SYT1: variants seen among roughly 807,000 people sequenced by gnomAD.
The protein encoded by SYT1 is synaptotagmin-1.
SYT1 carries 8 observed loss-of-function variants against 44.8 expected under a neutral mutation model. The observed-to-expected ratio is 0.18, with a 90% confidence interval of 0.10 to 0.32. The LOEUF (loss-of-function observed/expected upper bound fraction) is 0.32. Ranked by LOEUF, SYT1 falls within the 10% of genes least tolerant of loss-of-function variation. The pLI is 1.00. For missense variants in SYT1, 286 were observed against 509.3 expected, an observed-to-expected ratio of 0.56 and a Z score of 4.22; for synonymous variants, 154 against 188.8, an observed-to-expected ratio of 0.82 and a Z score of 1.51.
chr12:79,199,553 A>G (rs1873659652), intron 3 of SYT1, among the ~76,000 whole-genome samples: 1 of 152,026 alleles, frequency 6.6e-6, no homozygotes, highest in African/African-American at 2.4e-5. Flanking sequence ...CCAAACACCA[A>G]TTCTCTCTAA....
intron 9 of SYT1, among the ~76,000 whole-genome samples, chr12:79,397,815 G>T (rs115111535): frequency 6.6e-6 from 1 of 152,148 alleles, no homozygotes; most frequent in African/African-American, 2.4e-5. Context: ...AGATTTTTCC[G>T]AGTATATGTG....
intron 8 of SYT1, among the ~76,000 whole-genome samples, chr12:79,327,926 G>A (rs1478614170): frequency 1.3e-5 from 2 of 152,186 alleles, no homozygotes; most frequent in African/African-American, 4.8e-5. Flanking sequence ...CATGTGAGAG[G>A]GGAATGGCGT....
intron 3 of SYT1, among the ~76,000 whole-genome samples, chr12:79,128,048 T>A (rs1868554963): frequency 6.6e-6 from 1 of 152,042 alleles, no homozygotes; most frequent in East Asian, 1.9e-4. Context: ...GACACAGAGA[T>A]AAAAACATAT....
intron 3 of SYT1, among the ~76,000 whole-genome samples, chr12:79,102,806 A>G (rs1443803422): frequency 6.6e-6 from 1 of 152,186 alleles, no homozygotes; most frequent in East Asian, 1.9e-4. Context: ...CTGAATCAAC[A>G]AATTTTAAGT....
At chr12:79,427,580 G>T (rs1191752994) in intron 9 of SYT1, among the ~76,000 whole-genome samples, 1 of 152,210 alleles carries the variant, frequency 6.6e-6, no homozygotes, top group East Asian at 1.9e-4. Context: ...CACACAAATA[G>T]AAAGAATGAA....
At chr12:79,348,941 AAAAAGAAAGAAAAAAAG>A (rs1167008149) in intron 8 of SYT1, among the ~76,000 whole-genome samples, 1 of 144,012 alleles carries the variant, frequency 6.9e-6, no homozygotes, top group Non-Finnish European at 1.5e-5. Context: ...GAAAGGAAAG[AAAAAGAAAGAAAAAAAG>A]AAAAGAAAGA....
chr12:79,157,486 A>G (rs1188304374), intron 3 of SYT1, among the ~76,000 whole-genome samples: 1 of 152,142 alleles, frequency 6.6e-6, no homozygotes, highest in Non-Finnish European at 1.5e-5. Flanking sequence ...TGAAACCTAA[A>G]CATGTTTAAC....
At chr12:79,083,720 G>A (rs1219994526) in intron 3 of SYT1, among the ~76,000 whole-genome samples, 1 of 152,036 alleles carries the variant, frequency 6.6e-6, no homozygotes, top group African/African-American at 2.4e-5. Flanking sequence ...ATAAAATTAT[G>A]TGGAGATGTA....
At chr12:78,933,837 A>G (rs979733815) in intron 1 of SYT1, among the ~76,000 whole-genome samples, 1 of 152,130 alleles carries the variant, frequency 6.6e-6, no homozygotes, top group Non-Finnish European at 1.5e-5. Context: ...TGAAAGAGAG[A>G]TTGAGATGGG....
chr12:79,189,442 A>G (rs986149158), intron 3 of SYT1, among the ~76,000 whole-genome samples: 1 of 152,212 alleles, frequency 6.6e-6, no homozygotes, highest in Non-Finnish European at 1.5e-5. Flanking sequence ...ATGTAAAACA[A>G]TTAAAATAAC....
At chr12:79,402,348 T>C (rs1417659051) in intron 9 of SYT1, among the ~76,000 whole-genome samples, 1 of 152,158 alleles carries the variant, frequency 6.6e-6, no homozygotes. Flanking sequence ...CAATACAAAA[T>C]CAAAGCTTCA....
intron 2 of SYT1, among the ~76,000 whole-genome samples, chr12:79,018,059 G>T (rs1247949558): frequency 2.3e-5 from 3 of 129,364 alleles, no homozygotes; most frequent in Non-Finnish European, 4.9e-5. Context: ...TAAAAATTGT[G>T]CACTGTTCAC....
intron 7 of SYT1, among the ~76,000 whole-genome samples, chr12:79,298,645 A>G (rs1296538602): frequency 6.6e-6 from 1 of 152,170 alleles, no homozygotes; most frequent in Admixed American, 6.5e-5. Context: ...GTCACTAATA[A>G]ACATCCCAAC....
At chr12:79,171,335 T>G (rs1871509448) in intron 3 of SYT1, among the ~76,000 whole-genome samples, 1 of 152,124 alleles carries the variant, frequency 6.6e-6, no homozygotes, top group Non-Finnish European at 1.5e-5. Context: ...CATGGAATGT[T>G]TTTCCATTTG....
intron 1 of SYT1, among the ~76,000 whole-genome samples, chr12:78,933,475 T>A (rs1303009673): frequency 6.6e-6 from 1 of 152,178 alleles, no homozygotes; most frequent in African/African-American, 2.4e-5. Flanking sequence ...AATTTAGTAG[T>A]AAAAATAATT....
At chr12:78,865,753 G>A (rs1873509312) in intron 1 of SYT1, among the ~76,000 whole-genome samples, 1 of 151,978 alleles carries the variant, frequency 6.6e-6, no homozygotes. Context: ...CGTTCAAATG[G>A]AACAAAAATA....
intron 2 of SYT1, chr12:79,036,692 AT>A (rs1165946735): frequency 2.6e-5 from 4 of 151,850 alleles, no homozygotes; most frequent in Non-Finnish European, 5.9e-5. Context: ...TCTCCTTTAT[AT>A]TAAAGCCCCT....
intron 1 of SYT1, among the ~76,000 whole-genome samples, chr12:78,878,473 A>G (rs190946813): frequency 9.9e-5 from 15 of 151,922 alleles, no homozygotes; most frequent in Admixed American, 3.9e-4. Context: ...AACGCAGCAC[A>G]TAAAGCCTTT....
intron 1 of SYT1, among the ~76,000 whole-genome samples, chr12:78,903,432 A>G (rs1173728118): frequency 6.6e-6 from 1 of 151,838 alleles, no homozygotes; most frequent in Non-Finnish European, 1.5e-5. Flanking sequence ...GATTACAGGC[A>G]CGCACCACCA....
Sources: allele counts gnomAD v4.1 joint callset (sites outside exome capture counted in the v4.1 genomes callset), GRCh38; gene constraint gnomAD v4.1.1; transcripts MANE v1.5; gene names NCBI Gene and HGNC (gene_info 2026-07-23, HGNC 2026-07-21).